Variants in EIF4B observed in about 807,000 individuals in gnomAD.
EIF4B encodes the protein eukaryotic translation initiation factor 4B.
In EIF4B, 8 loss-of-function variants were observed where a neutral mutation model predicts 79.3. The ratio of observed to expected loss-of-function variants is 0.10; its 90% confidence interval spans 0.06 to 0.18. The LOEUF is 0.18. Ranked by LOEUF, EIF4B falls within the 10% of genes least tolerant of loss-of-function variation. The pLI is 1.00. For missense variants in EIF4B, 515 were observed against 792.4 expected, an observed-to-expected ratio of 0.65 and a Z score of 4.20; for synonymous variants, 238 against 274.7, an observed-to-expected ratio of 0.87 and a Z score of 1.32.
intron 1 of EIF4B, among the ~76,000 whole-genome samples, chr12:53,008,111 GTACT>G (rs928172420): frequency 1.3e-5 from 2 of 152,180 alleles, no homozygotes; most frequent in African/African-American, 2.4e-5. Flanking sequence ...ATTGCTTAAA[GTACT>G]TACTTGGTCT....
At chr12:53,037,645 G>C in intron 11 of EIF4B, 23 bp downstream of exon 11, 1 of 1,612,014 alleles carries the variant, frequency 6.2e-7, no homozygotes, top group Non-Finnish European at 8.5e-7. Flanking sequence ...GGAAACAGTA[G>C]TTGGTTAACT....
chr12:53,031,923 A>G (rs1010702369), intron 8 of EIF4B, among the ~76,000 whole-genome samples: 2 of 152,166 alleles, frequency 1.3e-5, no homozygotes, highest in African/African-American at 4.8e-5. Flanking sequence ...GGCTTTCTTT[A>G]TATTCTCTGT....
intron 8 of EIF4B, among the ~76,000 whole-genome samples, chr12:53,029,450 A>G (rs560502739): frequency 6.8e-6 from 1 of 146,634 alleles, no homozygotes; most frequent in Admixed American, 7.1e-5. Flanking sequence ...ATCTCAGCTC[A>G]CTGCAACCTT....
rs147981472 is a variant in EIF4B, at chr12:53,038,150, T to A, written c.1521-206T>A. On this transcript the variant is annotated intron_variant, in intron 11 of 14. Transcript: ENST00000262056. ...AGAAAATAGCAATACTAATCCTGCA[T>A]GATGTGATGATTAGAAAGCATATGG... is the stretch of plus-strand genomic sequence containing the variant. The A allele has an allele frequency of 2.8e-4, 117 of 422,326 alleles. No homozygotes were observed. In the East Asian group the frequency reaches 4.8e-3, roughly 17 times the overall value. 26.2% of individuals were successfully genotyped at this position (422,326 alleles called of 1,614,324 possible).
intron 13 of EIF4B, 80 bp downstream of exon 13, chr12:53,039,423 C>G: frequency 7.7e-7 from 1 of 1,297,104 alleles, no homozygotes; most frequent in East Asian, 2.5e-5. Flanking sequence ...GTTCTCAGAG[C>G]ACTGCCAGAT....
chr12:53,038,512 C>A, intron 12 of EIF4B, 101 bp downstream of exon 12: 1 of 1,216,522 alleles, frequency 8.2e-7, no homozygotes, highest in Non-Finnish European at 1.1e-6. Context: ...CACCTGATAC[C>A]GTGTTAAGAG....
intron 2 of EIF4B, among the ~76,000 whole-genome samples, chr12:53,017,169 C>T (rs950784766): frequency 5.3e-5 from 8 of 151,714 alleles, no homozygotes; most frequent in African/African-American, 1.7e-4. Flanking sequence ...AGGAGAATTG[C>T]TTGAACCTGG....
Position 53,034,661 on chromosome 12 carries a change from A to G in EIF4B, c.1258A>G (p.Thr420Ala), listed in dbSNP as rs373852454. The G allele has an allele frequency of 1.3e-4, 207 of 1,614,040 alleles. No homozygotes were observed. The highest frequency in any genetic ancestry group is 1.7e-4 in the Admixed American group (10 of 60,024). The change falls in exon 10 of 15, where the codon ACA becomes GCA. Residue 420 changes from threonine to alanine, a missense_variant. Thr to Ala is a moderately conservative substitution (Grantham distance 58). Transcript: ENST00000262056. ...EETQERERSRTGSESSQTGTS... is the reference protein window; with the variant it reads ...EETQERERSRAGSESSQTGTS... ...AACTCAGGAACGGGAACGGTCGAGG[A>G]CAGGAAGTGAGTCATCACAAACTGG...
rs779795466 is a variant in EIF4B, at chr12:53,020,041, A to G, written c.477+15A>G. ...TCAATGAAGAGGTAAAGAAAATAAG[A>G]GTGGGGATATGAGGGGTGTAAGTTC... On this transcript the variant is annotated intron_variant, in intron 4 of 14. Transcript: ENST00000262056. 1.9e-6 allele frequency: 3 copies of G among 1,593,212 alleles called. No homozygotes were observed. In the South Asian group the frequency reaches 3.4e-5, roughly 18 times the overall value.
intron 3 of EIF4B, 114 bp from the exon 4 acceptor site, chr12:53,019,796 C>G: frequency 1.1e-6 from 1 of 891,556 alleles, no homozygotes; most frequent in Middle Eastern, 3.5e-4. Flanking sequence ...CAACCATGTT[C>G]TTGTGTATTC....
At chr12:53,035,371 A>ATTTT (rs1252439545) in intron 10 of EIF4B, among the ~76,000 whole-genome samples, 3 of 141,914 alleles carry the variant, frequency 2.1e-5, no homozygotes, top group African/African-American at 7.8e-5. Context: ...TTATTTATTT[A>ATTTT]TTTTCTTTTT....
At chr12:53,014,412 CAAA>C (rs367885369) in intron 1 of EIF4B, among the ~76,000 whole-genome samples, 31 of 64,208 alleles carry the variant, frequency 4.8e-4, no homozygotes, top group Non-Finnish European at 6.9e-4. Flanking sequence ...GACTCCGTCT[CAAA>C]AAAAAAAAAA....
chr12:53,018,137 C>G (rs1462987937), intron 2 of EIF4B, among the ~76,000 whole-genome samples: 2 of 152,196 alleles, frequency 1.3e-5, no homozygotes, highest in Non-Finnish European at 2.9e-5. Context: ...ATTACTGGCA[C>G]ATGCCACCAC....
In EIF4B at chr12:53,039,265, C is replaced by T. The variant is rs1316098686; in HGVS notation, c.1604C>T (p.Ala535Val). ...GAAAATAAAGTAGATGGGATGAATGCCCCAAAAGGCCAAACTGGGAACTCT... is the reference window on the plus strand; with the variant it reads ...GAAAATAAAGTAGATGGGATGAATGTCCCAAAAGGCCAAACTGGGAACTCT... ...KDENKVDGMN[A>V]PKGQTGNSSR... Residue 535 changes from alanine to valine, a missense_variant, in exon 13 of 15, where the codon GCC becomes GTC. Physicochemically the swap from Ala to Val is moderately conservative, Grantham distance 64 (BLOSUM62 0). This residue lies in a region of EIF4B where 146 missense variants were observed against 228.0 expected (regional missense o/e 0.64). Coordinates refer to ENST00000262056, the MANE Select transcript of EIF4B (RefSeq NM_001417.7). 2 of 1,609,692 alleles carry T rather than the reference C, an allele frequency of 1.2e-6. No individual in the cohort carries two copies. Among genetic ancestry groups the T allele is most frequent in the East Asian group, 4.5e-5 (2 of 44,848 alleles).
intron 4 of EIF4B, among the ~76,000 whole-genome samples, chr12:53,020,466 A>G (rs1943229929): frequency 6.6e-6 from 1 of 152,220 alleles, no homozygotes; most frequent in Non-Finnish European, 1.5e-5. Context: ...GAGGATTTGG[A>G]AACATTTCCT....
At chr12:53,017,108 C>G (rs1009238409) in intron 2 of EIF4B, among the ~76,000 whole-genome samples, 1 of 152,092 alleles carries the variant, frequency 6.6e-6, no homozygotes, top group Non-Finnish European at 1.5e-5. Context: ...CAAAAATTAG[C>G]TGGGCGTGGT....
At chr12:53,040,018 T>A in intron 14 of EIF4B, 125 bp from the exon 15 acceptor site, 1 of 1,087,190 alleles carries the variant, frequency 9.2e-7, no homozygotes, top group Non-Finnish European at 1.4e-6. Flanking sequence ...ACAATGCTGA[T>A]GAGCAAGCAA....
chr12:53,012,016 A>G (rs1489189300), intron 1 of EIF4B: 1 of 152,218 alleles, frequency 6.6e-6, no homozygotes, highest in Non-Finnish European at 1.5e-5. Context: ...GTTGAAATCT[A>G]AACATGTAAT....
chr12:53,006,547 C>A, intron 1 of EIF4B, 51 bp downstream of exon 1: 4 of 1,612,728 alleles, frequency 2.5e-6, no homozygotes, highest in Non-Finnish European at 3.4e-6. Context: ...AACCCCCCTC[C>A]GAGCGTGATC....
Sources: gnomAD v4.1 joint callset for allele counts (sites outside exome capture counted in the v4.1 genomes callset) on GRCh38, gnomAD v4.1.1 for gene constraint, gnomAD v4.1.1 regional missense constraint, MANE v1.5 for transcripts, NCBI Gene and HGNC (gene_info 2026-07-23, HGNC 2026-07-21) for gene names.